Variants in ZNF239 observed in about 807,000 individuals in gnomAD.
ZNF239 encodes the protein zinc finger protein (C2H2) homologous to mouse MOK-2.
In ZNF239, 16 loss-of-function variants were observed where a neutral mutation model predicts 27.5. The observed-to-expected ratio is 0.58, with a 90% CI of 0.39 to 0.88. The LOEUF (loss-of-function observed/expected upper bound fraction) is 0.88, where lower values mean the gene tolerates loss of function less well. Among genes scored for constraint, ZNF239 ranks in the 40% least tolerant of loss-of-function variants. The pLI, the probability that ZNF239 is intolerant of heterozygous loss-of-function variation, is 0.00. For synonymous variants in ZNF239, 199 were observed against 192.6 expected, an observed-to-expected ratio of 1.03 and a Z score of -0.27; for missense variants, 527 against 551.9, an observed-to-expected ratio of 0.95 and a Z score of 0.45.
At chr10:43,563,958 T>C (rs1837455811) in intron 3 of ZNF239, among the ~76,000 whole-genome samples, 1 of 152,174 alleles carries the variant, frequency 6.6e-6, no homozygotes, top group African/African-American at 2.4e-5. Context: ...CATGCCTGGC[T>C]AATTTTTTGT....
At position 43,558,118 on chromosome 10, in the gene ZNF239, G is replaced by C; in HGVS notation, c.-39C>G. ...AGCCAGGAGGAAAGCTCATGTAACA[G>C]ATCCTGAAGTGTTTTCTGCTGAAGA... On this transcript the variant is annotated 5_prime_UTR_variant, in exon 4 of 4. The change creates a new upstream start codon in the 5' untranslated region. Coordinates refer to ENST00000374446, the MANE Select transcript of ZNF239 (RefSeq NM_001099282.2). 6.4e-7 allele frequency: 1 copy of C among 1,571,342 alleles called. No individual in the cohort carries two copies. The highest frequency in any genetic ancestry group is 1.2e-5 in the South Asian group (1 of 85,234).
chr10:43,563,763 T>C (rs1837437334), intron 3 of ZNF239, among the ~76,000 whole-genome samples: 1 of 152,140 alleles, frequency 6.6e-6, no homozygotes. Flanking sequence ...GAGCACACCA[T>C]TCCTTGATAC....
chr10:43,558,925 A>G (rs1021308664), intron 3 of ZNF239, among the ~76,000 whole-genome samples: 2 of 152,226 alleles, frequency 1.3e-5, no homozygotes, highest in African/African-American at 4.8e-5. Context: ...AGTACAATAC[A>G]GTACAAGAGA....
At chr10:43,566,402 C>A (rs558143444) in intron 3 of ZNF239, among the ~76,000 whole-genome samples, 2 of 152,226 alleles carry the variant, frequency 1.3e-5, no homozygotes, top group East Asian at 3.9e-4. Flanking sequence ...CCTCCCACCT[C>A]AGCCTCCTGA....
At chr10:43,561,334 A>AAAC (rs1837235224) in intron 3 of ZNF239, among the ~76,000 whole-genome samples, 6 of 150,846 alleles carry the variant, frequency 4.0e-5, no homozygotes, top group Admixed American at 4.0e-4. Context: ...CTTCAAGGAA[A>AAAC]AAACAAACAA....
In ZNF239 at chr10:43,572,624, G is replaced by A. The variant is rs989688331; in HGVS notation, c.-216+1013C>T. The stretch of plus-strand genomic sequence containing the variant: ...AACAAAGGACAAGGCACTTTCCTTC[G>A]GCTCTCTCAGAGTTAGCCGAGTTAG... On this transcript the variant is annotated intron_variant, in intron 2 of 3. Coordinates refer to ENST00000374446, the MANE Select transcript of ZNF239 (RefSeq NM_001099282.2). Among the ~76,000 whole-genome samples, 5 of 152,156 alleles carry A rather than the reference G, an allele frequency of 3.3e-5. No individual in the cohort carries two copies. In the East Asian group the frequency reaches 5.8e-4, roughly 18 times the overall value.
intron 3 of ZNF239, among the ~76,000 whole-genome samples, chr10:43,567,364 A>C (rs1259578661): frequency 6.6e-6 from 1 of 152,018 alleles, no homozygotes; most frequent in African/African-American, 2.4e-5. Flanking sequence ...AAATGTGGGG[A>C]AAGGCAGGAG....
chr10:43,556,823 G>A lies in ZNF239; in HGVS notation c.1257C>T (p.Leu419=), dbSNP rs778445285. The A allele has an allele frequency of 1.5e-5, 24 of 1,613,662 alleles. 1 individual carries two copies. The highest frequency in any genetic ancestry group is 1.7e-4 in the Middle Eastern group (1 of 6,058). Residue 419 remains leucine (L), a synonymous_variant, in exon 4 of 4, where the codon CTC becomes CTT. Coordinates refer to ENST00000374446, the MANE Select transcript of ZNF239 (RefSeq NM_001099282.2). The stretch of plus-strand genomic sequence containing the variant: ...CTCCAGTATGTACTCTCTGGTGGAT[G>A]AGGAGTTTGGAACTCTGGCTAAATC... ...GKGFSQSSKL[L]IHQRVHTGEK... is the part of the protein sequence containing the mutation.
chr10:43,571,652 G>A (rs1838045438), intron 2 of ZNF239, among the ~76,000 whole-genome samples: 1 of 151,996 alleles, frequency 6.6e-6, no homozygotes, highest in South Asian at 2.1e-4. Context: ...TCCACCTCCC[G>A]GGTTCAAGAG....
At chr10:43,565,946 G>C (rs1837619237) in intron 3 of ZNF239, among the ~76,000 whole-genome samples, 1 of 151,396 alleles carries the variant, frequency 6.6e-6, no homozygotes, top group Non-Finnish European at 1.5e-5. Flanking sequence ...TTCAAGAGAA[G>C]GTCAACACTA....
Position 43,557,957 on chromosome 10 carries a change from G to T in ZNF239, c.123C>A (p.Ser41=). Residue 41 remains serine, a synonymous_variant, in exon 4 of 4, where the codon TCC becomes TCA. Coordinates refer to ENST00000374446, the MANE Select transcript of ZNF239 (RefSeq NM_001099282.2). ...QQWGEASSPI[S]RNRDSVMTLQ... is the part of the protein sequence containing the mutation. ...GAGTCATCACACTGTCCCTGTTTCTGGAAATAGGAGAAGATGCTTCTCCCC... is the reference window on the plus strand; with the variant it reads ...GAGTCATCACACTGTCCCTGTTTCTTGAAATAGGAGAAGATGCTTCTCCCC... 1 of 1,614,152 alleles carries T rather than the reference G, an allele frequency of 6.2e-7. No homozygotes were observed. The highest frequency in any genetic ancestry group is 8.5e-7 in the Non-Finnish European group (1 of 1,180,028).
At chr10:43,570,728 AT>A (rs1837979042) in intron 2 of ZNF239, 7 of 890,594 alleles carry the variant, frequency 7.9e-6, no homozygotes, top group Admixed American at 6.2e-5. Flanking sequence ...TAAGACCCTT[AT>A]TTTTTTTCTT....
At chr10:43,568,403 A>G (rs1837823825) in intron 2 of ZNF239, 2 of 985,336 alleles carry the variant, frequency 2.0e-6, no homozygotes, top group Admixed American at 6.1e-5. Context: ...TAATCTCCAC[A>G]GTGCCAATGA....
chr10:43,568,869 G>A (rs565564525), intron 2 of ZNF239, among the ~76,000 whole-genome samples: 1 of 152,276 alleles, frequency 6.6e-6, no homozygotes, highest in South Asian at 2.1e-4. Flanking sequence ...GGCCAACATG[G>A]TGAAACCTCG....
At chr10:43,562,855 A>G (rs1014335789) in intron 3 of ZNF239, among the ~76,000 whole-genome samples, 10 of 152,264 alleles carry the variant, frequency 6.6e-5, no homozygotes, top group African/African-American at 2.4e-4. Flanking sequence ...AAATGATTAA[A>G]TGGATTTTAA....
chr10:43,562,005 C>G (rs1432987126), intron 3 of ZNF239, among the ~76,000 whole-genome samples: 5 of 152,178 alleles, frequency 3.3e-5, no homozygotes, highest in African/African-American at 1.2e-4. Context: ...TACTGTACTA[C>G]TTGACTCTAC....
rs12258131 is a variant in ZNF239, at chr10:43,567,973, A to G, written c.-167T>C. ...CTGGGAGCAGAGTCCAGGTGACCTCACTCCTCCTCGGTGAAGGCCACAGAG... is the reference window on the plus strand; with the variant it reads ...CTGGGAGCAGAGTCCAGGTGACCTCGCTCCTCCTCGGTGAAGGCCACAGAG... On this transcript the variant is annotated 5_prime_UTR_variant, in exon 3 of 4. It removes the in-frame stop codon of an upstream open reading frame in the 5' UTR. Transcript: ENST00000374446. 29 of 985,730 alleles carry G rather than the reference A, an allele frequency of 2.9e-5. No individual in the cohort carries two copies. The African/African-American group carries it at 4.7e-4, about 16-fold the overall frequency. 61.1% of individuals were successfully genotyped at this position (985,730 alleles called of 1,614,324 possible). A position where few individuals can be genotyped will look rare whatever the true frequency, so the allele number is the denominator to read the frequency against.
At chr10:43,566,735 CATG>C (rs1588805824) in intron 3 of ZNF239, among the ~76,000 whole-genome samples, 1 of 152,152 alleles carries the variant, frequency 6.6e-6, no homozygotes, top group East Asian at 1.9e-4. Context: ...TTCTGTGATC[CATG>C]ATAATTTGCC....
intron 3 of ZNF239, among the ~76,000 whole-genome samples, chr10:43,561,592 A>G (rs1206479825): frequency 6.6e-6 from 1 of 152,236 alleles, no homozygotes; most frequent in Non-Finnish European, 1.5e-5. Flanking sequence ...TTCAATTACT[A>G]AAACAATCAT....
Sources: allele counts gnomAD v4.1 joint callset (sites outside exome capture counted in the v4.1 genomes callset), GRCh38; gene constraint gnomAD v4.1.1; transcripts MANE v1.5; gene names NCBI Gene and HGNC (gene_info 2026-07-23, HGNC 2026-07-21).